The following GNAL variants were observed in gnomAD, a reference collection of about 807,000 sequenced individuals.
GNAL encodes the protein guanine nucleotide-binding protein G(olf) subunit alpha.
In GNAL, 18 loss-of-function variants were observed where a neutral mutation model predicts 55.1. The observed-to-expected ratio is 0.33, with a 90% confidence interval of 0.23 to 0.48. The LOEUF is 0.48. Among genes scored for constraint, GNAL ranks in the 20% least tolerant of loss-of-function variants. GNAL has a pLI of 0.99. For missense variants in GNAL, 412 were observed against 614.1 expected (o/e 0.67, Z 3.48); for synonymous variants, 253 against 237.0 (o/e 1.07, Z -0.62).
chr18:11,797,517 G>A (rs1278229078), intron 4 of GNAL, among the ~76,000 whole-genome samples: 1 of 152,174 alleles, frequency 6.6e-6, no homozygotes, highest in East Asian at 1.9e-4. Flanking sequence ...TGAGAGGCAG[G>A]TGGATTGCTT....
intron 1 of GNAL, chr18:11,746,232 G>GT (rs1375645911): frequency 2.0e-6 from 1 of 498,484 alleles, no homozygotes; most frequent in African/African-American, 2.0e-5. Context: ...CATGCCTTCT[G>GT]TAACAATGTG....
At chr18:11,812,704 T>TC (rs2034848094) in intron 4 of GNAL, among the ~76,000 whole-genome samples, 2 of 151,422 alleles carry the variant, frequency 1.3e-5, no homozygotes, top group African/African-American at 4.9e-5. Context: ...ATTAGCTGGG[T>TC]GTGGTGGCGC....
intron 4 of GNAL, among the ~76,000 whole-genome samples, chr18:11,794,678 C>T (rs529324767): frequency 8.5e-4 from 123 of 144,302 alleles, no homozygotes; most frequent in Non-Finnish European, 1.3e-3. Context: ...GCTGTAAATA[C>T]ACTAACACCA....
chr18:11,715,305 C>A (rs1307974913), intron 1 of GNAL, among the ~76,000 whole-genome samples: 1 of 150,522 alleles, frequency 6.6e-6, no homozygotes, highest in Non-Finnish European at 1.5e-5. Context: ...TAAAAAAATA[C>A]AAAAAATTAG....
intron 4 of GNAL, among the ~76,000 whole-genome samples, chr18:11,801,944 G>A (rs2034532683): frequency 6.6e-6 from 1 of 152,052 alleles, no homozygotes; most frequent in African/African-American, 2.4e-5. Flanking sequence ...GTAAGGAACT[G>A]GTAATAGCAA....
Position 11,797,522 on chromosome 18 carries a change from T to C in GNAL, c.625-27396T>C, listed in dbSNP as rs557639380. Among the ~76,000 whole-genome samples the C allele has an allele frequency of 4.6e-3, 695 of 152,230 alleles. 4 individuals are homozygous for C. Among genetic ancestry groups the C allele is most frequent in the Non-Finnish European group, 8.1e-3 (554 of 68,010 alleles). On this transcript the variant is annotated intron_variant, in intron 4 of 11. Transcript: ENST00000334049. ...TTTGGGAGGCTGAGAGGCAGGTGGA[T>C]TGCTTGAACCCAGGACTTCAAGACA...
At position 11,843,087 on chromosome 18, in the gene GNAL, G is replaced by T. The variant is rs372729346; in HGVS notation, c.722+18072G>T. ...TGGCTCATGCCTGTAATCTCAACATGTTGGGAGGCCAAGGTGAAAAGATCC... is the reference window on the plus strand; with the variant it reads ...TGGCTCATGCCTGTAATCTCAACATTTTGGGAGGCCAAGGTGAAAAGATCC... On this transcript the variant is annotated intron_variant, in intron 5 of 11. Coordinates refer to ENST00000334049, the MANE Select transcript of GNAL (RefSeq NM_182978.4). Among the ~76,000 whole-genome samples the T allele has an allele frequency of 5.3e-5, 8 of 152,030 alleles. No homozygotes were observed. In the South Asian group the frequency reaches 1.7e-3, roughly 32 times the overall value.
At chr18:11,835,638 T>G (rs1762116769) in intron 5 of GNAL, among the ~76,000 whole-genome samples, 1 of 152,132 alleles carries the variant, frequency 6.6e-6, no homozygotes, top group African/African-American at 2.4e-5. Flanking sequence ...GATCAGAAGC[T>G]TACAGAAAAA....
chr18:11,747,379 A>C (rs1051242601), intron 1 of GNAL: 1 of 175,916 alleles, frequency 5.7e-6, no homozygotes, highest in Admixed American at 6.1e-5. Flanking sequence ...TTGAAGACGC[A>C]ATGACAGCAA....
chr18:11,721,022 G>A (rs1239883047), intron 1 of GNAL, among the ~76,000 whole-genome samples: 1 of 152,200 alleles, frequency 6.6e-6, no homozygotes, highest in Non-Finnish European at 1.5e-5. Context: ...AAGCAATTCA[G>A]TGTTCAATAA....
chr18:11,778,710 CCTTT>C (rs1013138165), intron 4 of GNAL, among the ~76,000 whole-genome samples: 3 of 151,944 alleles, frequency 2.0e-5, no homozygotes, highest in Non-Finnish European at 4.4e-5. Flanking sequence ...ACAAAAATCC[CCTTT>C]CTTAAGAACC....
rs1044022068 is a variant in GNAL at position 11,884,543 on chromosome 18, C to T, written c.*3408C>T. 8 of 1,613,962 alleles carry T rather than the reference C, an allele frequency of 5.0e-6. No homozygotes were observed. Among genetic ancestry groups the T allele is most frequent in the Non-Finnish European group, 5.1e-6 (6 of 1,180,026 alleles). On this transcript the variant is annotated 3_prime_UTR_variant, in exon 12 of 12. Transcript: ENST00000334049. ...AGTGTGAGGACCACAAGGAAGCCCA[C>T]CACTCCACAGTAGATGATCAAAACC...
chr18:11,882,014 G>A lies in GNAL; in HGVS notation c.*879G>A, dbSNP rs1316440087. 1.3e-5 allele frequency: 2 copies of A among 152,498 alleles called. No individual in the cohort carries two copies. Among genetic ancestry groups the A allele is most frequent in the Non-Finnish European group, 2.9e-5 (2 of 68,042 alleles). 9.4% of individuals were successfully genotyped at this position (152,498 alleles called of 1,614,324 possible). On this transcript the variant is annotated 3_prime_UTR_variant, in exon 12 of 12. Transcript: ENST00000334049. Reference sequence around the variant, plus strand: ...TACCTGCTGCTTACTCTGAAAAAAGGAATGAATGGTAGCTGTAGAATTTAG... The same window carrying A: ...TACCTGCTGCTTACTCTGAAAAAAGAAATGAATGGTAGCTGTAGAATTTAG...
intron 5 of GNAL, among the ~76,000 whole-genome samples, chr18:11,844,538 T>C (rs961403506): frequency 3.9e-5 from 6 of 152,228 alleles, no homozygotes; most frequent in African/African-American, 1.4e-4. Context: ...TTAAACTTAA[T>C]CTAATTGAGA....
chr18:11,729,771 G>A (rs535280481), intron 1 of GNAL, among the ~76,000 whole-genome samples: 23 of 152,330 alleles, frequency 1.5e-4, no homozygotes, highest in South Asian at 1.2e-3. Context: ...CTGAGCCAAT[G>A]TGGCTGCTCG....
chr18:11,816,685 G>C (rs2034964548), intron 4 of GNAL, among the ~76,000 whole-genome samples: 1 of 151,876 alleles, frequency 6.6e-6, no homozygotes, highest in African/African-American at 2.4e-5. Flanking sequence ...CTGATGGTGG[G>C]CACCTGTAAT....
chr18:11,832,036 C>T (rs943356064), intron 5 of GNAL, among the ~76,000 whole-genome samples: 3 of 152,222 alleles, frequency 2.0e-5, no homozygotes, highest in African/African-American at 7.2e-5. Flanking sequence ...TTCCCAGTTC[C>T]TACTGTGAAA....
intron 4 of GNAL, among the ~76,000 whole-genome samples, chr18:11,783,353 G>T (rs1400856815): frequency 6.6e-6 from 1 of 152,178 alleles, no homozygotes; most frequent in Non-Finnish European, 1.5e-5. Context: ...TGCTGTGAGG[G>T]TTAAACAAGT....
chr18:11,761,467 C>T (rs956963833), intron 4 of GNAL, among the ~76,000 whole-genome samples: 2 of 152,092 alleles, frequency 1.3e-5, no homozygotes, highest in African/African-American at 4.8e-5. Flanking sequence ...GAGCTCGGCT[C>T]TCCTTCTCTT....
Sources: gnomAD v4.1 joint callset for allele counts (sites outside exome capture counted in the v4.1 genomes callset) on GRCh38, gnomAD v4.1.1 for gene constraint, MANE v1.5 for transcripts, NCBI Gene and HGNC (gene_info 2026-07-23, HGNC 2026-07-21) for gene names.